GRIN3A: variants seen among roughly 807,000 people sequenced by gnomAD.
The protein encoded by GRIN3A is glutamate ionotropic receptor NMDA type subunit 3A.
In GRIN3A, 47 loss-of-function variants were observed where a neutral mutation model predicts 92.4. The observed-to-expected ratio is 0.51, with a 90% CI of 0.40 to 0.65. The LOEUF is 0.65. GRIN3A is among the 30% of genes least tolerant of loss of function. The pLI is 0.00. For synonymous variants in GRIN3A, 527 were observed against 540.6 expected (o/e 0.97, Z 0.35); for missense variants, 1,324 against 1,393.1 (o/e 0.95, Z 0.79).
intron 3 of GRIN3A, among the ~76,000 whole-genome samples, chr9:101,654,253 T>A (rs1280053235): frequency 6.6e-6 from 1 of 150,534 alleles, no homozygotes; most frequent in South Asian, 2.1e-4. Context: ...GTTTTATCAT[T>A]ACAAATTCTG....
rs971444007 is a variant in GRIN3A, at chr9:101,709,261, A to G, written c.700-22061T>C. Among the ~76,000 whole-genome samples, 3 of 152,246 alleles carry G rather than the reference A, an allele frequency of 2.0e-5. No individual in the cohort carries two copies. In the East Asian group the frequency reaches 5.8e-4, roughly 29 times the overall value. ...TTCAAATGACCTTTTCTGGTAAGAAATAAGATTCATTATTTATCTATGTCA... is the reference window on the plus strand; with the variant it reads ...TTCAAATGACCTTTTCTGGTAAGAAGTAAGATTCATTATTTATCTATGTCA... On this transcript the variant is annotated intron_variant, in intron 1 of 8. Transcript: ENST00000361820.
intron 1 of GRIN3A, among the ~76,000 whole-genome samples, chr9:101,719,921 C>T (rs918038872): frequency 1.3e-5 from 2 of 152,220 alleles, no homozygotes; most frequent in Non-Finnish European, 2.9e-5. Context: ...CTGTAGTCCT[C>T]CTATCCTGAT....
At chr9:101,687,287 A>C in intron 1 of GRIN3A, 87 bp from the exon 2 acceptor site, 1 of 1,316,678 alleles carries the variant, frequency 7.6e-7, no homozygotes, top group Non-Finnish European at 1.1e-6. Context: ...TATGAGGCTT[A>C]ATCCTTTAAT....
rs1830067365 is a variant in GRIN3A at position 101,724,977 on chromosome 9, C to T, written c.699+12304G>A. 2.6e-5 allele frequency among the ~76,000 whole-genome samples: 4 copies of T among 152,188 alleles called. No individual in the cohort carries two copies. In the South Asian group the frequency reaches 8.3e-4, roughly 32 times the overall value. ...TATATTTCTCTGGCTTTATGGGGAA[C>T]ATGTCTGAATCTCGGCATGTCAGTA... On this transcript the variant is annotated intron_variant, in intron 1 of 8. Coordinates refer to ENST00000361820, the MANE Select transcript of GRIN3A (RefSeq NM_133445.3).
Position 101,737,851 on chromosome 9 carries a change from G to A in GRIN3A, c.129C>T (p.Arg43=), listed in dbSNP as rs1830238177. ...CGCCCACCCTCACCGCGTGCCCGAT[G>A]CGCTTGAGGATCTGGCAGGGCTGCG... The part of the protein sequence containing the change: ...SHPQPCQILK[R]IGHAVRVGAV... Residue 43 remains arginine, a synonymous_variant, in exon 1 of 9, where the codon CGC becomes CGT. Coordinates refer to ENST00000361820, the MANE Select transcript of GRIN3A (RefSeq NM_133445.3). 1 of 1,533,470 alleles carries A rather than the reference G, an allele frequency of 6.5e-7. No homozygotes were observed. Among genetic ancestry groups the A allele is most frequent in the South Asian group, 1.2e-5 (1 of 83,932 alleles). The allele number at this position is 1,533,470 out of a possible 1,614,324, so 95.0% of individuals were successfully genotyped here.
In GRIN3A at chr9:101,737,711, G is replaced by T; in HGVS notation, c.269C>A (p.Ala90Glu). 6.5e-7 allele frequency: 1 copy of T among 1,529,772 alleles called. No homozygotes were observed. Among genetic ancestry groups the T allele is most frequent in the Non-Finnish European group, 8.7e-7 (1 of 1,144,480 alleles). 94.8% of individuals were successfully genotyped at this position (1,529,772 alleles called of 1,614,324 possible). The stretch of plus-strand genomic sequence containing the variant: ...CAACCAGCGTGCGCCCGGCGAGGGC[G>T]CCGGGGACCGCCTAGTCCCTGGCTC... The part of the protein sequence containing the change: ...EPEPGTRRSP[A>E]PSPGARWLGS... Residue 90 changes from alanine to glutamate, a missense_variant, in exon 1 of 9, where the codon GCG becomes GAG. By Grantham distance (107) the Ala-to-Glu change is moderately radical. Transcript: ENST00000361820.
Position 101,687,005 on chromosome 9 carries a change from C to A in GRIN3A, c.895G>T (p.Ala299Ser), listed in dbSNP as rs375779429. 2 of 1,613,832 alleles carry A rather than the reference C, an allele frequency of 1.2e-6. No homozygotes were observed. The highest frequency in any genetic ancestry group is 2.7e-5 in the African/African-American group (2 of 74,856). ...FHLGSIINIT[A>S]NLPSTQDLLS... ...AGGTCCTGGGTGGAGGGGAGGTTAG[C>A]GGTGATGTTGATGATAGAACCAAGG... is the stretch of plus-strand genomic sequence containing the variant. Residue 299 changes from alanine (A) to serine (S), a missense_variant, in exon 2 of 9, where the codon GCT (alanine) becomes TCT (serine). By Grantham distance (99) the Ala-to-Ser change is moderately conservative (BLOSUM62 1). Coordinates refer to ENST00000361820, the MANE Select transcript of GRIN3A (RefSeq NM_133445.3).
chr9:101,638,857 T>C (rs1309815459), intron 3 of GRIN3A, among the ~76,000 whole-genome samples: 1 of 152,244 alleles, frequency 6.6e-6, no homozygotes, highest in African/African-American at 2.4e-5. Flanking sequence ...AGTTCCCTTA[T>C]CTGCAAAATG....
At chr9:101,685,445 C>T (rs1335887546) in intron 2 of GRIN3A, among the ~76,000 whole-genome samples, 2 of 150,784 alleles carry the variant, frequency 1.3e-5, no homozygotes, top group Non-Finnish European at 2.9e-5. Flanking sequence ...GGCCTAAAAA[C>T]AGGGCCTAGT....
chr9:101,703,716 CA>C (rs1270527121), intron 1 of GRIN3A, among the ~76,000 whole-genome samples: 2 of 152,300 alleles, frequency 1.3e-5, no homozygotes, highest in South Asian at 4.1e-4. Flanking sequence ...CTGAAGAGCT[CA>C]CATTTTGATT....
intron 1 of GRIN3A, among the ~76,000 whole-genome samples, chr9:101,721,754 C>G (rs1830015631): frequency 6.6e-6 from 1 of 152,120 alleles, no homozygotes; most frequent in African/African-American, 2.4e-5. Flanking sequence ...ATTTGTGGAA[C>G]TTTGAACTTG....
chr9:101,691,691 T>TCC (rs1428415895), intron 1 of GRIN3A, among the ~76,000 whole-genome samples: 4 of 152,226 alleles, frequency 2.6e-5, no homozygotes, highest in African/African-American at 9.6e-5. Flanking sequence ...TTCTGCATTG[T>TCC]CCTCTTCAGC....
intron 1 of GRIN3A, among the ~76,000 whole-genome samples, chr9:101,722,427 G>T (rs1830024515): frequency 6.6e-6 from 1 of 152,210 alleles, no homozygotes; most frequent in Admixed American, 6.5e-5. Context: ...CTGAAGCACT[G>T]CCTAGTGGAG....
chr9:101,656,010 G>A (rs1052985601), intron 3 of GRIN3A, among the ~76,000 whole-genome samples: 16 of 151,966 alleles, frequency 1.1e-4, no homozygotes, highest in African/African-American at 3.9e-4. Flanking sequence ...CTTCAGAGAA[G>A]CTGGGAAGAG....
chr9:101,737,662 C>A lies in GRIN3A; in HGVS notation c.318G>T (p.Gly106=). 1 of 1,598,054 alleles carries A rather than the reference C, an allele frequency of 6.3e-7. No homozygotes were observed. The highest frequency in any genetic ancestry group is 8.5e-7 in the Non-Finnish European group (1 of 1,174,778). ...CCCCGGGCTTACGGGAGCCCGGCGGCCCCCGGCCATGCAGGGTGCTCCCCA... is the reference window on the plus strand; with the variant it reads ...CCCCGGGCTTACGGGAGCCCGGCGGACCCCGGCCATGCAGGGTGCTCCCCA... ...RWLGSTLHGR[G]PPGSRKPGEG... is the part of the protein sequence containing the mutation. Residue 106 remains glycine (G), a synonymous_variant, in exon 1 of 9, where the codon GGG becomes GGT. Coordinates refer to ENST00000361820, the MANE Select transcript of GRIN3A (RefSeq NM_133445.3).
rs1483690172 is a variant in GRIN3A at position 101,737,458 on chromosome 9, G to T, written c.522C>A (p.Ser174Arg). ...LPFSSPSSPW[S>R]SDPFSFLQSV... ...TTTGCAGGAAGGAGAAAGGGTCACTGCTCCATGGCGAACTAGGGGAGGAGA... is the reference window on the plus strand; with the variant it reads ...TTTGCAGGAAGGAGAAAGGGTCACTTCTCCATGGCGAACTAGGGGAGGAGA... The change falls in exon 1 of 9, where the codon AGC (serine) becomes AGA (arginine). Residue 174 changes from serine (S) to arginine (R), a missense_variant. Physicochemically the swap from Ser to Arg is moderately radical, Grantham distance 110. Coordinates refer to ENST00000361820, the MANE Select transcript of GRIN3A (RefSeq NM_133445.3). 6.2e-7 allele frequency: 1 copy of T among 1,614,156 alleles called. No homozygotes were observed. Among genetic ancestry groups the T allele is most frequent in the Non-Finnish European group, 8.5e-7 (1 of 1,180,052 alleles).
rs1014355853 is a variant in GRIN3A, at chr9:101,659,045, C to T, written c.2352+11015G>A. 2.6e-4 allele frequency among the ~76,000 whole-genome samples: 39 copies of T among 151,752 alleles called. 1 individual carries two copies. Among genetic ancestry groups the T allele is most frequent in the Admixed American group, 2.1e-3 (32 of 15,188 alleles). ...ACACTGTGCCTGTGGAGCTAAAATA[C>T]GTATATTTTAGACACAAAAGGAGCC... On this transcript the variant is annotated intron_variant, in intron 3 of 8. Transcript: ENST00000361820.
At position 101,670,453 on chromosome 9, in the gene GRIN3A, C is replaced by A; in HGVS notation, c.1959G>T (p.Leu653Phe). ...DFTSPFFSTSLGILVRTRDTA... is the reference protein window; with the variant it reads ...DFTSPFFSTSFGILVRTRDTA... ...TATCTCGGGTCCTCACTAAGATGCCCAAGCTGGTGGAGAAGAAAGGGCTGG... is the reference window on the plus strand; with the variant it reads ...TATCTCGGGTCCTCACTAAGATGCCAAAGCTGGTGGAGAAGAAAGGGCTGG... Residue 653 changes from leucine (L) to phenylalanine (F), a missense_variant, in exon 3 of 9, where the codon TTG becomes TTT. Coordinates refer to ENST00000361820, the MANE Select transcript of GRIN3A (RefSeq NM_133445.3). 2 of 1,613,986 alleles carry A rather than the reference C, an allele frequency of 1.2e-6. No homozygotes were observed. Among genetic ancestry groups the A allele is most frequent in the Non-Finnish European group, 1.7e-6 (2 of 1,179,944 alleles).
intron 3 of GRIN3A, among the ~76,000 whole-genome samples, chr9:101,654,946 C>T (rs1323422): frequency 0.47 from 71,349 of 151,604 alleles, 17,021 homozygotes; most frequent in Middle Eastern, 0.54. Flanking sequence ...AGACAAAATA[C>T]ATATGGTGAC....
Sources: allele counts gnomAD v4.1 joint callset (sites outside exome capture counted in the v4.1 genomes callset), GRCh38; gene constraint gnomAD v4.1.1; transcripts MANE v1.5; gene names NCBI Gene and HGNC (gene_info 2026-07-23, HGNC 2026-07-21).